MAMLD1: variants seen among roughly 807,000 people sequenced by gnomAD.
MAMLD1 encodes the protein mastermind like domain containing 1, also known as mastermind-like domain-containing protein 1.
MAMLD1 carries 14 observed loss-of-function variants against 45.0 expected under a neutral mutation model. The ratio of observed to expected loss-of-function variants is 0.31; its 90% CI spans 0.21 to 0.49. The LOEUF (loss-of-function observed/expected upper bound fraction) is 0.49, where lower values mean the gene tolerates loss of function less well. MAMLD1 is among the 20% of genes least tolerant of loss of function. MAMLD1 has a pLI of 0.99. For missense variants in MAMLD1, 543 were observed against 603.6 expected, an observed-to-expected ratio of 0.90 and a Z score of 1.05; for synonymous variants, 254 against 247.8, an observed-to-expected ratio of 1.02 and a Z score of -0.24.
intron 1 of MAMLD1, among the ~76,000 whole-genome samples, chrX:150,402,910 T>C (rs1016447322): frequency 2.7e-5 from 3 of 109,610 alleles, no homozygotes; most frequent in African/African-American, 1.0e-4. Flanking sequence ...CATCACACTC[T>C]GGGGACTGTT....
At chrX:150,429,295 G>T (rs187436381) in intron 1 of MAMLD1, among the ~76,000 whole-genome samples, 41 of 108,082 alleles carry the variant, frequency 3.8e-4, no homozygotes, top group African/African-American at 1.3e-3. Flanking sequence ...GTGGGAATTG[G>T]TTTTTTTTTA....
intron 3 of MAMLD1, 99 bp downstream of exon 3, chrX:150,462,945 G>T (rs1602901252): frequency 1.6e-6 from 1 of 633,635 alleles, no homozygotes; most frequent in Non-Finnish European, 2.6e-6. Flanking sequence ...ACACCACAAG[G>T]TCCTTTAAGA....
At chrX:150,389,949 T>G (rs1195830688) in intron 1 of MAMLD1, among the ~76,000 whole-genome samples, 2 of 112,698 alleles carry the variant, frequency 1.8e-5, no homozygotes, top group Admixed American at 9.4e-5. Flanking sequence ...CCACTAATGC[T>G]TTTGTAAAAT....
chrX:150,424,773 G>A lies in MAMLD1; in HGVS notation c.-63-20681G>A, dbSNP rs782424559. 5.3e-5 allele frequency among the ~76,000 whole-genome samples: 6 copies of A among 112,305 alleles called. No homozygotes were observed. In the East Asian group the frequency reaches 1.4e-3, roughly 26 times the overall value. On this transcript the variant is annotated intron_variant, in intron 1 of 7. Transcript: ENST00000370401. ...ATACCATTCAATTAATCCATTGAAA[G>A]TTTACAATTCAATGTGTTTTAGTGT...
At chrX:150,449,856 GC>G (rs1210115320) in intron 2 of MAMLD1, among the ~76,000 whole-genome samples, 1 of 110,423 alleles carries the variant, frequency 9.1e-6, no homozygotes, top group African/African-American at 3.3e-5. Context: ...AAACCTGGAG[GC>G]AAGTGTTTGA....
intron 4 of MAMLD1, 88 bp from the exon 5 acceptor site, chrX:150,473,592 T>C: frequency 1.1e-6 from 1 of 945,746 alleles, no homozygotes; most frequent in African/African-American, 1.9e-5. Context: ...GGTGTGGAGA[T>C]AGGCAAAGCA....
intron 1 of MAMLD1, among the ~76,000 whole-genome samples, chrX:150,366,642 C>T (rs1363212701): frequency 1.8e-5 from 2 of 111,751 alleles, no homozygotes; most frequent in Non-Finnish European, 3.8e-5. Context: ...CACTTCATGA[C>T]CAGTTTGCAT....
At chrX:150,459,569 C>T (rs1475084642) in intron 2 of MAMLD1, among the ~76,000 whole-genome samples, 2 of 109,364 alleles carry the variant, frequency 1.8e-5, no homozygotes, top group African/African-American at 6.7e-5. Context: ...GCCAAATGCC[C>T]TTAAGCAAGT....
intron 5 of MAMLD1, among the ~76,000 whole-genome samples, chrX:150,478,260 A>G (rs782323224): frequency 8.9e-6 from 1 of 112,416 alleles, no homozygotes; most frequent in Admixed American, 9.4e-5. Flanking sequence ...CTCCATTTAC[A>G]ACTAGAGTCA....
chrX:150,437,457 C>T (rs140197692), intron 1 of MAMLD1, among the ~76,000 whole-genome samples: 1,242 of 111,994 alleles, frequency 0.011, 17 homozygotes, highest in African/African-American at 0.039. Context: ...CTTGTTGCCA[C>T]TCTTAGAAGG....
chrX:150,405,869 G>T (rs918154054), intron 1 of MAMLD1, among the ~76,000 whole-genome samples: 1 of 110,496 alleles, frequency 9.1e-6, no homozygotes, highest in East Asian at 2.9e-4. Flanking sequence ...CTGTCAAAGT[G>T]GGGGAGCAAA....
At chrX:150,437,015 G>A (rs2035143801) in intron 1 of MAMLD1, among the ~76,000 whole-genome samples, 1 of 110,880 alleles carries the variant, frequency 9.0e-6, no homozygotes, top group South Asian at 3.8e-4. Context: ...GGACTTCTGG[G>A]CTGTGTGTTC....
chrX:150,398,385 GGAAGAA>G (rs1269926869), intron 1 of MAMLD1, among the ~76,000 whole-genome samples: 4 of 99,904 alleles, frequency 4.0e-5, no homozygotes, highest in South Asian at 4.5e-4. Flanking sequence ...AAGAAGAAGA[GGAAGAA>G]GAAGAAGAAG....
chrX:150,372,344 G>C (rs1557401119), intron 1 of MAMLD1, among the ~76,000 whole-genome samples: 1 of 111,767 alleles, frequency 8.9e-6, no homozygotes, highest in Non-Finnish European at 1.9e-5. Context: ...GGCTCCTCTG[G>C]CAATGGTGGG....
intron 3 of MAMLD1, among the ~76,000 whole-genome samples, chrX:150,467,915 C>A (rs1277816735): frequency 8.9e-6 from 1 of 112,395 alleles, no homozygotes; most frequent in African/African-American, 3.2e-5. Flanking sequence ...AGGTGTCATA[C>A]AATGTGCCCC....
intron 3 of MAMLD1, 128 bp from the exon 4 acceptor site, chrX:150,469,617 C>G: frequency 9.7e-6 from 5 of 515,205 alleles, no homozygotes; most frequent in Non-Finnish European, 1.6e-5. Flanking sequence ...CTCTCTCTCT[C>G]TCTCTCTCTT....
chrX:150,391,726 C>T (rs377724823), intron 1 of MAMLD1, among the ~76,000 whole-genome samples: 5 of 111,728 alleles, frequency 4.5e-5, no homozygotes, highest in East Asian at 5.6e-4. Context: ...CATCTTTACT[C>T]ATTCATTGTT....
At chrX:150,412,511 C>T (rs2034148367) in intron 1 of MAMLD1, among the ~76,000 whole-genome samples, 2 of 110,878 alleles carry the variant, frequency 1.8e-5, no homozygotes, top group African/African-American at 6.6e-5. Flanking sequence ...GCCAGTTCTT[C>T]CACTGGTCCA....
chrX:150,449,134 T>TG (rs1434156525), intron 2 of MAMLD1, among the ~76,000 whole-genome samples: 4 of 110,500 alleles, frequency 3.6e-5, no homozygotes, highest in Admixed American at 2.9e-4. Context: ...TTGGGCAGGG[T>TG]GGGGGGATTA....
Sources: allele counts gnomAD v4.1 joint callset (sites outside exome capture counted in the v4.1 genomes callset), GRCh38; gene constraint gnomAD v4.1.1; transcripts MANE v1.5; gene names NCBI Gene and HGNC (gene_info 2026-07-23, HGNC 2026-07-21).